The following HIPK2 variants were observed in gnomAD, a reference collection of about 807,000 sequenced individuals.
HIPK2 encodes homeodomain interacting protein kinase 2.
HIPK2 carries 27 observed loss-of-function variants against 113.7 expected under a neutral mutation model. That is an observed-to-expected ratio of 0.24 (90% CI 0.17 to 0.33). HIPK2 has a LOEUF of 0.33. HIPK2 is among the 10% of genes least tolerant of loss of function. The pLI is 1.00. For missense variants in HIPK2, 1,257 were observed against 1,588.0 expected, an observed-to-expected ratio of 0.79 and a Z score of 3.54; for synonymous variants, 631 against 642.2, an observed-to-expected ratio of 0.98 and a Z score of 0.26.
chr7:139,717,243 G>A (rs562563435), intron 1 of HIPK2, among the ~76,000 whole-genome samples: 2 of 152,298 alleles, frequency 1.3e-5, no homozygotes, highest in East Asian at 3.9e-4. Flanking sequence ...TTAGGTGCCA[G>A]CAACACAGCT....
intron 2 of HIPK2, among the ~76,000 whole-genome samples, chr7:139,708,577 A>G (rs546755027): frequency 1.3e-5 from 2 of 152,324 alleles, no homozygotes; most frequent in Non-Finnish European, 2.9e-5. Flanking sequence ...TTCTCAGGTT[A>G]GAGACATGTA....
chr7:139,575,212 T>C lies in HIPK2; in HGVS notation c.3042A>G (p.Ser1014=). 1 of 1,585,762 alleles carries C rather than the reference T, an allele frequency of 6.3e-7. No individual in the cohort carries two copies. The highest frequency in any genetic ancestry group is 8.6e-7 in the Non-Finnish European group (1 of 1,166,178). ...AGGTGATGGCTCCAGATGAGCTCCCTGAAGAGTGACCGCTGGTGGAGGTCA... is the reference window on the plus strand; with the variant it reads ...AGGTGATGGCTCCAGATGAGCTCCCCGAAGAGTGACCGCTGGTGGAGGTCA... The part of the protein sequence containing the change: ...SNVTSTSGHS[S]GSSSGAITYR... Residue 1014 remains serine, a synonymous_variant, in exon 14 of 15, where the codon TCA becomes TCG. Coordinates refer to ENST00000406875, the MANE Select transcript of HIPK2 (RefSeq NM_022740.5).
chr7:139,588,790 C>T (rs1376193706), intron 12 of HIPK2, among the ~76,000 whole-genome samples: 1 of 152,092 alleles, frequency 6.6e-6, no homozygotes, highest in African/African-American at 2.4e-5. Context: ...AACAACTGGT[C>T]TGCTGCAGTC....
At position 139,582,900 on chromosome 7, in the gene HIPK2, C is replaced by T. The variant is rs145065191; in HGVS notation, c.2965+917G>A. Among the ~76,000 whole-genome samples, 852 of 152,346 alleles carry T rather than the reference C, an allele frequency of 5.6e-3. 3 individuals carry two copies. The highest frequency in any genetic ancestry group is 9.6e-3 in the Non-Finnish European group (654 of 68,026). On this transcript the variant is annotated intron_variant, in intron 13 of 14. Coordinates refer to ENST00000406875, the MANE Select transcript of HIPK2 (RefSeq NM_022740.5). ...AGTGGCAGCCCCTGAATGGGGCCTG[C>T]GCCCACTGGGTCTCACATGTGGTCA...
intron 1 of HIPK2, among the ~76,000 whole-genome samples, chr7:139,763,574 C>G (rs74828229): frequency 2.0e-5 from 3 of 151,122 alleles, no homozygotes; most frequent in African/African-American, 7.3e-5. Context: ...ACCAGATGGC[C>G]TGCAAAGCCT....
intron 12 of HIPK2, among the ~76,000 whole-genome samples, chr7:139,594,121 AACCGC>A (rs1341364601): frequency 6.6e-6 from 1 of 152,010 alleles, no homozygotes; most frequent in African/African-American, 2.4e-5. Context: ...TTGAATTTGC[AACCGC>A]ACCTCCTCTA....
chr7:139,629,062 A>G lies in HIPK2; in HGVS notation c.1348-23T>C, dbSNP rs139289815. The G allele has an allele frequency of 5.5e-5, 87 of 1,569,104 alleles. No homozygotes were observed. In the East Asian group the frequency reaches 1.9e-3, roughly 34 times the overall value. ...TGTCTGTCAAGAGAGGCAAAAGCCA[A>G]TTGGTAGCGTGACTTAGCTCCTCAT... On this transcript the variant is annotated intron_variant, in intron 4 of 14. Coordinates refer to ENST00000406875, the MANE Select transcript of HIPK2 (RefSeq NM_022740.5).
chr7:139,706,364 G>C (rs920918143), intron 2 of HIPK2, among the ~76,000 whole-genome samples: 3 of 152,230 alleles, frequency 2.0e-5, no homozygotes, highest in African/African-American at 7.2e-5. Flanking sequence ...TTAGGCAGCA[G>C]TGAAAGTTCC....
chr7:139,740,563 T>C (rs1328937761), intron 1 of HIPK2, among the ~76,000 whole-genome samples: 1 of 152,136 alleles, frequency 6.6e-6, no homozygotes, highest in Non-Finnish European at 1.5e-5. Context: ...GCTCAGAAAC[T>C]GGCAGGGAGA....
chr7:139,610,128 T>A (rs1569453262), intron 9 of HIPK2, among the ~76,000 whole-genome samples: 1 of 152,224 alleles, frequency 6.6e-6, no homozygotes. Context: ...CTGCTACGAT[T>A]AAAGGACTGA....
intron 7 of HIPK2, among the ~76,000 whole-genome samples, chr7:139,619,772 GTTTTT>G (rs965456775): frequency 6.6e-6 from 1 of 151,888 alleles, no homozygotes; most frequent in African/African-American, 2.4e-5. Context: ...CTTTTTCTTT[GTTTTT>G]TGAGACGGGG....
At chr7:139,765,402 A>T (rs1796537069) in intron 1 of HIPK2, among the ~76,000 whole-genome samples, 1 of 152,038 alleles carries the variant, frequency 6.6e-6, no homozygotes, top group South Asian at 2.1e-4. Context: ...AGAAATTTCA[A>T]CTCCTCCAGA....
chr7:139,608,581 C>G (rs1799708801), intron 9 of HIPK2, among the ~76,000 whole-genome samples: 1 of 151,998 alleles, frequency 6.6e-6, no homozygotes, highest in Non-Finnish European at 1.5e-5. Context: ...GTGAGGCAGC[C>G]ATCTGAATGT....
chr7:139,751,857 A>G (rs528002937), intron 1 of HIPK2, among the ~76,000 whole-genome samples: 25 of 152,294 alleles, frequency 1.6e-4, no homozygotes, highest in African/African-American at 5.3e-4. Context: ...GAGAAATTCT[A>G]TGTAAGTACC....
At chr7:139,629,105 TG>T in intron 4 of HIPK2, 66 bp from the exon 5 acceptor site, 1 of 1,306,646 alleles carries the variant, frequency 7.7e-7, no homozygotes, top group Non-Finnish European at 1.1e-6. Flanking sequence ...ACTCAAGCCT[TG>T]GAACTCCTGT....
At chr7:139,674,389 G>C (rs1372705224) in intron 2 of HIPK2, among the ~76,000 whole-genome samples, 2 of 152,196 alleles carry the variant, frequency 1.3e-5, no homozygotes, top group Admixed American at 1.3e-4. Context: ...GTATTGATTA[G>C]GTAAAACGGT....
chr7:139,567,999 A>C lies in HIPK2; in HGVS notation c.*4928T>G, dbSNP rs999075998. 1 of 152,296 alleles carries C rather than the reference A, an allele frequency of 6.6e-6. No homozygotes were observed. Among genetic ancestry groups the C allele is most frequent in the Admixed American group, 6.5e-5 (1 of 15,278 alleles). The allele number at this position is 152,296 out of a possible 1,614,324, so 9.4% of individuals were successfully genotyped here. On this transcript the variant is annotated 3_prime_UTR_variant, in exon 15 of 15. Transcript: ENST00000406875. Reference sequence around the variant, plus strand: ...CGAAGCCTCCTCATCTCCTCCCTCCAGTTTCCAAGAAAGTTTGTTCCACTC... The same window carrying C: ...CGAAGCCTCCTCATCTCCTCCCTCCCGTTTCCAAGAAAGTTTGTTCCACTC...
In HIPK2 at chr7:139,669,042, G is replaced by A. The variant is rs896141363; in HGVS notation, c.1104-37317C>T. Among the ~76,000 whole-genome samples, 9 of 152,114 alleles carry A rather than the reference G, an allele frequency of 5.9e-5. 1 individual carries two copies. The highest frequency in any genetic ancestry group is 2.9e-5 in the Non-Finnish European group (2 of 68,022). On this transcript the variant is annotated intron_variant, in intron 2 of 14. Coordinates refer to ENST00000406875, the MANE Select transcript of HIPK2 (RefSeq NM_022740.5). ...CAATTTACAGAAAAGCCAATTCCAC[G>A]TTCTTATCCAAAACAATAAAATCAA...
At chr7:139,684,919 C>A (rs1010399819) in intron 2 of HIPK2, among the ~76,000 whole-genome samples, 1 of 152,212 alleles carries the variant, frequency 6.6e-6, no homozygotes, top group African/African-American at 2.4e-5. Flanking sequence ...CCAGCCACAA[C>A]ACTCCCTTCA....
Sources: allele counts gnomAD v4.1 joint callset (sites outside exome capture counted in the v4.1 genomes callset), GRCh38; gene constraint gnomAD v4.1.1; transcripts MANE v1.5; gene names NCBI Gene and HGNC (gene_info 2026-07-23, HGNC 2026-07-21).